The following TMEM164 variants were observed in gnomAD, a reference collection of about 807,000 sequenced individuals.
TMEM164 encodes the protein RP13-360B22.2.
A neutral mutation model predicts 18.8 loss-of-function variants in TMEM164; 4 were observed. The ratio of observed to expected loss-of-function variants is 0.21; its 90% confidence interval spans 0.10 to 0.49. TMEM164 has a LOEUF of 0.49. TMEM164 is among the 20% of genes least tolerant of loss of function. The pLI is 0.98. For synonymous variants in TMEM164, 86 were observed against 101.7 expected (o/e 0.85, Z 0.93); for missense variants, 108 against 239.9 (o/e 0.45, Z 3.63).
intron 3 of TMEM164, among the ~76,000 whole-genome samples, chrX:110,103,533 A>G (rs760737442): frequency 3.0e-4 from 33 of 109,147 alleles, no homozygotes; most frequent in Non-Finnish European, 5.2e-4. Flanking sequence ...TATAAGGGGC[A>G]GATAGAGGAG....
intron 2 of TMEM164, among the ~76,000 whole-genome samples, chrX:110,054,778 T>TGTG (rs1435017151): frequency 8.9e-6 from 1 of 111,914 alleles, no homozygotes; most frequent in Non-Finnish European, 1.9e-5. Flanking sequence ...TACCCAGGGC[T>TGTG]GTTGGTTTCT....
At chrX:110,084,377 A>ATACTATATATATAT (rs1466329685) in intron 3 of TMEM164, among the ~76,000 whole-genome samples, 10 of 19,165 alleles carry the variant, frequency 5.2e-4, no homozygotes, top group African/African-American at 4.0e-3. Context: ...GTATATATAT[A>ATACTATATATATAT]GTGTATATAT....
chrX:110,042,124 C>G (rs187625753), intron 2 of TMEM164, among the ~76,000 whole-genome samples: 1 of 110,026 alleles, frequency 9.1e-6, no homozygotes, highest in East Asian at 2.8e-4. Context: ...ACTCCTATTT[C>G]TAGCACTTTT....
intron 4 of TMEM164, among the ~76,000 whole-genome samples, chrX:110,143,901 GTTC>G (rs1344955821): frequency 9.0e-6 from 1 of 110,787 alleles, no homozygotes; most frequent in Non-Finnish European, 1.9e-5. Flanking sequence ...AGCTGCCAAA[GTTC>G]TTTTTTCCCC....
At chrX:110,009,104 C>G (rs1056150938) in intron 2 of TMEM164, among the ~76,000 whole-genome samples, 8 of 112,195 alleles carry the variant, frequency 7.1e-5, no homozygotes, top group African/African-American at 2.3e-4. Context: ...CCAGTCTTTT[C>G]ATGCCTTGCA....
At chrX:110,121,179 G>A (rs1251673990) in intron 4 of TMEM164, among the ~76,000 whole-genome samples, 3 of 112,368 alleles carry the variant, frequency 2.7e-5, no homozygotes, top group Non-Finnish European at 5.6e-5. Flanking sequence ...ACAATTTTTT[G>A]TAAAGGGGGT....
chrX:110,017,989 C>T (rs2147705941), intron 2 of TMEM164, among the ~76,000 whole-genome samples: 1 of 112,266 alleles, frequency 8.9e-6, no homozygotes, highest in East Asian at 2.8e-4. Context: ...TTGCTGTTTG[C>T]CCTGGACAGA....
At chrX:110,014,264 T>C (rs1933179881) in intron 2 of TMEM164, among the ~76,000 whole-genome samples, 2 of 110,767 alleles carry the variant, frequency 1.8e-5, no homozygotes, top group Admixed American at 1.9e-4. Context: ...TGCAATAAGA[T>C]GGTAGGGATT....
chrX:110,142,606 A>AT (rs1167435687), intron 4 of TMEM164, among the ~76,000 whole-genome samples: 2 of 113,085 alleles, frequency 1.8e-5, no homozygotes, highest in African/African-American at 6.4e-5. Context: ...TTACAAAGTG[A>AT]TTTTCATAGT....
chrX:110,133,997 C>T (rs2066648922), intron 4 of TMEM164, among the ~76,000 whole-genome samples: 1 of 111,967 alleles, frequency 8.9e-6, no homozygotes, highest in African/African-American at 3.3e-5. Context: ...TATACAGACT[C>T]GAAATTGCCA....
At chrX:110,110,994 T>C (rs1374153276) in intron 4 of TMEM164, among the ~76,000 whole-genome samples, 2 of 112,275 alleles carry the variant, frequency 1.8e-5, no homozygotes, top group African/African-American at 6.5e-5. Flanking sequence ...ATCTTACAGA[T>C]AAAGCATTTG....
At chrX:110,072,761 C>T (rs766417510) in intron 3 of TMEM164, among the ~76,000 whole-genome samples, 2 of 109,152 alleles carry the variant, frequency 1.8e-5, no homozygotes, top group South Asian at 7.6e-4. Context: ...CATTAATTCC[C>T]TCTTCTGTTT....
At position 110,085,335 on chromosome X, in the gene TMEM164, A is replaced by G. The variant is rs796231532; in HGVS notation, c.440+17939A>G. Among the ~76,000 whole-genome samples, 417 of 80,699 alleles carry G rather than the reference A, an allele frequency of 5.2e-3. 2 individuals carry two copies. Among genetic ancestry groups the G allele is most frequent in the South Asian group, 0.047 (106 of 2,236 alleles). The allele number at this position is 80,699 out of a possible 115,157, so 70.1% of individuals were successfully genotyped here. A position where few individuals can be genotyped will look rare whatever the true frequency, so the allele number is the denominator to read the frequency against. On this transcript the variant is annotated intron_variant, in intron 3 of 6. Transcript: ENST00000372068. ...ACCACCATGCTTGGCTAATTAAAAA[A>G]AATATATATATATATATATTAAAAC...
At chrX:110,150,565 G>A (rs932172395) in intron 5 of TMEM164, among the ~76,000 whole-genome samples, 1 of 112,389 alleles carries the variant, frequency 8.9e-6, no homozygotes, top group Non-Finnish European at 1.9e-5. Flanking sequence ...TATATTTCCC[G>A]TCCCTTCCCT....
At chrX:110,066,321 G>A (rs1316059071) in intron 2 of TMEM164, among the ~76,000 whole-genome samples, 2 of 111,938 alleles carry the variant, frequency 1.8e-5, no homozygotes, top group African/African-American at 6.5e-5. Flanking sequence ...ACATGTCAAC[G>A]ATTTCTAAAC....
intron 3 of TMEM164, among the ~76,000 whole-genome samples, chrX:110,073,721 C>T (rs1351008255): frequency 8.9e-6 from 1 of 112,042 alleles, no homozygotes; most frequent in Admixed American, 9.5e-5. Context: ...TCTTTGAGAA[C>T]TCTCCAACCT....
chrX:110,176,128 G>T lies in TMEM164; in HGVS notation c.*2677G>T. On this transcript the variant is annotated 3_prime_UTR_variant, in exon 7 of 7. Coordinates refer to ENST00000372068, the MANE Select transcript of TMEM164 (RefSeq NM_032227.4). ...GGGAGCTCTGCGCGTGTGTGAGGGTGTTTGTAGAAGAGGGCAGTTTCCTTT... is the reference window on the plus strand; with the variant it reads ...GGGAGCTCTGCGCGTGTGTGAGGGTTTTTGTAGAAGAGGGCAGTTTCCTTT... The T allele has an allele frequency of 1.3e-6, 1 of 756,858 alleles. No homozygotes were observed. The highest frequency in any genetic ancestry group is 1.6e-6 in the Non-Finnish European group (1 of 639,693). The allele number at this position is 756,858 out of a possible 1,213,427, so 62.4% of individuals were successfully genotyped here. A position where few individuals can be genotyped will look rare whatever the true frequency, so the allele number is the denominator to read the frequency against.
chrX:110,179,490 A>T (rs967288968), downstream of TMEM164, among the ~76,000 whole-genome samples: 4 of 111,909 alleles, frequency 3.6e-5, no homozygotes, highest in African/African-American at 1.3e-4. Flanking sequence ...GCAGAGAAAC[A>T]CTTCACTCCA....
intron 3 of TMEM164, among the ~76,000 whole-genome samples, chrX:110,096,566 A>G (rs192396175): frequency 2.1e-3 from 235 of 111,830 alleles, no homozygotes; most frequent in African/African-American, 7.2e-3. Context: ...GAGTGTCCCA[A>G]TTTTCCATGT....
Sources: allele counts gnomAD v4.1 joint callset (sites outside exome capture counted in the v4.1 genomes callset), GRCh38; gene constraint gnomAD v4.1.1; transcripts MANE v1.5; gene names NCBI Gene and HGNC (gene_info 2026-07-23, HGNC 2026-07-21).